RAD52: variants seen among roughly 807,000 people sequenced by gnomAD.
The protein encoded by RAD52 is RAD52 DNA repair protein, also known as DNA repair protein RAD52 homolog.
A neutral mutation model predicts 55.5 loss-of-function variants in RAD52; 47 were observed. The observed-to-expected ratio is 0.85, with a 90% confidence interval of 0.67 to 1.08. RAD52 has a LOEUF of 1.08. Among genes scored for constraint, RAD52 ranks in the 50% least tolerant of loss-of-function variants. The pLI, the probability that RAD52 is intolerant of heterozygous loss-of-function variation, is 0.00. For missense variants in RAD52, 468 were observed against 522.8 expected (o/e 0.90, Z 1.02); for synonymous variants, 184 against 198.9 (o/e 0.92, Z 0.63).
At chr12:990,076 A>C (rs932375325), upstream of RAD52, 5 of 152,226 alleles carry the variant, frequency 3.3e-5, no homozygotes, top group African/African-American at 1.2e-4. Flanking sequence ...GGGCAGGATG[A>C]AACAGTAGAA....
At chr12:954,262 ATATCT>A (rs1018735827), upstream of RAD52, among the ~76,000 whole-genome samples, 1 of 152,122 alleles carries the variant, frequency 6.6e-6, no homozygotes, top group African/African-American at 2.4e-5. Context: ...GACTTTGTAA[ATATCT>A]TCTCTTACTC....
At chr12:990,863 C>T (rs1332459659), upstream of RAD52, among the ~76,000 whole-genome samples, 1 of 151,832 alleles carries the variant, frequency 6.6e-6, no homozygotes, top group East Asian at 1.9e-4. Flanking sequence ...CTACGGCAAG[C>T]AGGAGGAGAC....
intron 1 of RAD52, among the ~76,000 whole-genome samples, chr12:978,986 G>C (rs1364600026): frequency 6.6e-6 from 1 of 151,846 alleles, no homozygotes; most frequent in East Asian, 1.9e-4. Flanking sequence ...TAAAAAAAAA[G>C]GTGTGCTCAG....
At position 914,521 on chromosome 12, in the gene RAD52, C is replaced by A. The variant is rs778961469; in HGVS notation, c.877G>T (p.Ala293Ser). The A allele has an allele frequency of 1.9e-6, 3 of 1,613,464 alleles. 1 individual carries two copies. Among genetic ancestry groups the A allele is most frequent in the South Asian group, 2.2e-5 (2 of 91,038 alleles). The change falls in exon 10 of 12, where the codon GCC becomes TCC. Residue 293 changes from alanine to serine, a missense_variant. Coordinates refer to ENST00000358495, the MANE Select transcript of RAD52 (RefSeq NM_134424.4). The stretch of plus-strand genomic sequence containing the variant: ...GGAGTGCTGTGCGTCACAGGAGGGG[C>A]CGGAGGCGCTGCTACGGTTCACAGA... ...SAEKSEAAPP[A>S]PPVTHSTPVT...
intron 1 of RAD52, among the ~76,000 whole-genome samples, chr12:965,949 G>C (rs867572963): frequency 6.6e-6 from 1 of 151,942 alleles, no homozygotes; most frequent in Non-Finnish European, 1.5e-5. Flanking sequence ...CTCCCAAAGT[G>C]CTGGGATTAC....
At chr12:938,501 G>A (rs1054528753) in intron 1 of RAD52, among the ~76,000 whole-genome samples, 1 of 152,086 alleles carries the variant, frequency 6.6e-6, no homozygotes, top group Non-Finnish European at 1.5e-5. Context: ...TGGCCAACAT[G>A]GTACAATTCC....
At chr12:917,726 A>AC (rs1956476422) in intron 7 of RAD52, among the ~76,000 whole-genome samples, 1 of 150,666 alleles carries the variant, frequency 6.6e-6, no homozygotes. Context: ...AAAAAAAAAA[A>AC]ATCGAAGGAA....
At chr12:922,199 A>AAAC (rs1270107598) in intron 7 of RAD52, among the ~76,000 whole-genome samples, 2 of 146,830 alleles carry the variant, frequency 1.4e-5, no homozygotes, top group African/African-American at 4.9e-5. Flanking sequence ...CTTAAAAAAA[A>AAAC]AAAAAAAAAA....
At chr12:962,343 C>CTT (rs72427284) in intron 1 of RAD52, among the ~76,000 whole-genome samples, 9 of 16,968 alleles carry the variant, frequency 5.3e-4, no homozygotes, top group Admixed American at 6.7e-4. Flanking sequence ...GCTTTCTTTC[C>CTT]TTTTTTTTTT....
At position 932,968 on chromosome 12, in the gene RAD52, C is replaced by T. The variant is rs942304893; in HGVS notation, c.84+7G>A. On this transcript the variant is annotated splice_region_variant and intron_variant, in intron 2 of 11. Transcript: ENST00000358495. Reference sequence around the variant, plus strand: ...ATTCTTTCCCGGCATGAAGGAACCACAGTTACCTGTCCAAAGCATAACACT... The same window carrying T: ...ATTCTTTCCCGGCATGAAGGAACCATAGTTACCTGTCCAAAGCATAACACT... 4 of 1,613,780 alleles carry T rather than the reference C, an allele frequency of 2.5e-6. No individual in the cohort carries two copies. The highest frequency in any genetic ancestry group is 2.5e-6 in the Non-Finnish European group (3 of 1,179,878).
At chr12:982,234 G>A (rs1307707184) in intron 1 of RAD52, among the ~76,000 whole-genome samples, 1 of 152,158 alleles carries the variant, frequency 6.6e-6, no homozygotes, top group Non-Finnish European at 1.5e-5. Context: ...AGATGACAGT[G>A]TTTATGCTGG....
rs1957311411 is a variant in RAD52, at chr12:931,223, C to G, written c.183G>C (p.Gln61His). Residue 61 changes from glutamine to histidine, a missense_variant, in exon 3 of 12, where the codon CAG becomes CAC. Coordinates refer to ENST00000358495, the MANE Select transcript of RAD52 (RefSeq NM_134424.4). ...CCAGGCACATGAATTCTCCTACCTT[C>G]TGGCCTCCGCCAGCCATGCGGCTAC... Reference protein sequence around the residue: ...YISSRMAGGGQKVCYIEGHRV... With the variant: ...YISSRMAGGGHKVCYIEGHRV... 1 of 1,611,760 alleles carries G rather than the reference C, an allele frequency of 6.2e-7. No individual in the cohort carries two copies. The highest frequency in any genetic ancestry group is 1.3e-5 in the African/African-American group (1 of 74,966).
chr12:948,218 G>GTATA (rs1958363626), intron 1 of RAD52, among the ~76,000 whole-genome samples: 1 of 152,116 alleles, frequency 6.6e-6, no homozygotes, highest in Non-Finnish European at 1.5e-5. Flanking sequence ...AACAAATATT[G>GTATA]TATAATACAG....
intron 6 of RAD52, chr12:926,899 G>A (rs1957066503): frequency 6.5e-7 from 1 of 1,536,818 alleles, no homozygotes; most frequent in Non-Finnish European, 8.7e-7. Context: ...TGAGTGCACG[G>A]AGAAGAGAGA....
chr12:956,424 C>A (rs1332113689), intron 1 of RAD52, among the ~76,000 whole-genome samples: 1 of 152,200 alleles, frequency 6.6e-6, no homozygotes, highest in Non-Finnish European at 1.5e-5. Context: ...TATAGCTACT[C>A]CTGATAGGAA....
chr12:949,044 C>G (rs1168801552), intron 1 of RAD52, among the ~76,000 whole-genome samples: 6 of 152,042 alleles, frequency 3.9e-5, no homozygotes, highest in Admixed American at 3.9e-4. Flanking sequence ...CTAAAGTGAG[C>G]GTCAAATTTT....
intron 1 of RAD52, among the ~76,000 whole-genome samples, chr12:970,552 A>G (rs1357990647): frequency 6.6e-6 from 1 of 152,144 alleles, no homozygotes; most frequent in Non-Finnish European, 1.5e-5. Context: ...TTTCAGTTTG[A>G]AAGTTTGGCC....
rs142735737 is a variant in RAD52 at position 964,982 on chromosome 12, T to C, written c.-19+24827A>G. 9.3e-5 allele frequency among the ~76,000 whole-genome samples: 9 copies of C among 97,276 alleles called. No individual in the cohort carries two copies. The East Asian group carries it at 2.7e-3, about 29-fold the overall frequency. 63.8% of individuals were successfully genotyped at this position (97,276 alleles called of 152,430 possible). On this transcript the variant is annotated intron_variant, in intron 1 of 11. Coordinates refer to the RAD52 transcript ENST00000430095. ...GCCTGCCTGCCTTCCTTCCTTCCTTTTTGATGTTTTGTTTTTAGACGGAGT... is the reference window on the plus strand; with the variant it reads ...GCCTGCCTGCCTTCCTTCCTTCCTTCTTGATGTTTTGTTTTTAGACGGAGT...
rs768303684 is a variant in RAD52 at position 927,258 on chromosome 12, A to G, written c.354T>C (p.Gly118=). The change falls in exon 6 of 12, where the codon GGT becomes GGC. Residue 118 remains glycine, a synonymous_variant. Transcript: ENST00000358495. The part of the protein sequence containing the change: ...CAFVRVQLKD[G]SYHEDVGYGV... ...CATAACCAACATCTTCATGATATGAACCATCCTGGGGGCAGAAAAGGAGTT... is the reference window on the plus strand; with the variant it reads ...CATAACCAACATCTTCATGATATGAGCCATCCTGGGGGCAGAAAAGGAGTT... 1.2e-6 allele frequency: 2 copies of G among 1,612,054 alleles called. No homozygotes were observed. Among genetic ancestry groups the G allele is most frequent in the East Asian group, 4.5e-5 (2 of 44,858 alleles).
Sources: allele counts gnomAD v4.1 joint callset (sites outside exome capture counted in the v4.1 genomes callset), GRCh38; gene constraint gnomAD v4.1.1; transcripts MANE v1.5; gene names NCBI Gene and HGNC (gene_info 2026-07-23, HGNC 2026-07-21).